Variants in DYNC1I2 observed in about 807,000 individuals in gnomAD.
DYNC1I2 encodes cytoplasmic dynein 1 intermediate chain 2.
DYNC1I2 carries 53 observed loss-of-function variants against 88.6 expected under a neutral mutation model. The observed-to-expected ratio is 0.60, with a 90% CI of 0.48 to 0.75. The LOEUF (loss-of-function observed/expected upper bound fraction) is 0.75. Ranked by LOEUF, DYNC1I2 falls within the 30% of genes least tolerant of loss-of-function variation. The pLI is 0.00. For synonymous variants in DYNC1I2, 198 were observed against 254.6 expected (o/e 0.78, Z 2.12); for missense variants, 458 against 766.6 (o/e 0.60, Z 4.75).
chr2:171,744,387 C>T (rs1247670751), intron 16 of DYNC1I2, among the ~76,000 whole-genome samples, 198 bp downstream of exon 16: 1 of 152,140 alleles, frequency 6.6e-6, no homozygotes, highest in African/African-American at 2.4e-5. Flanking sequence ...AATAATGTTG[C>T]CAGGAGCACT....
intron 7 of DYNC1I2, among the ~76,000 whole-genome samples, chr2:171,715,714 T>C (rs575425073): frequency 1.3e-5 from 2 of 152,300 alleles, no homozygotes; most frequent in South Asian, 4.1e-4. Context: ...TCAGCCCTTA[T>C]TTTGTCATTA....
rs369694626 is a variant in DYNC1I2 at position 171,742,878 on chromosome 2, G to C, written c.1537-1171G>C. Among the ~76,000 whole-genome samples, 72 of 152,264 alleles carry C rather than the reference G, an allele frequency of 4.7e-4. 1 individual carries two copies. The highest frequency in any genetic ancestry group is 1.7e-3 in the African/African-American group (71 of 41,564). Reference sequence around the variant, plus strand: ...TTCTGTGAGACTTTGTCTTGGAAAGGAACTTTGATTTGTTAATTTTGAGAG... The same window carrying C: ...TTCTGTGAGACTTTGTCTTGGAAAGCAACTTTGATTTGTTAATTTTGAGAG... On this transcript the variant is annotated intron_variant, in intron 15 of 17. Coordinates refer to ENST00000397119, the MANE Select transcript of DYNC1I2 (RefSeq NM_001378.3).
At chr2:171,698,045 A>G (rs1559365748) in intron 3 of DYNC1I2, among the ~76,000 whole-genome samples, 2 of 152,234 alleles carry the variant, frequency 1.3e-5, no homozygotes, top group Admixed American at 6.5e-5. Context: ...TCTCTCCATC[A>G]TAATTAGCCC....
Position 171,749,698 on chromosome 2 carries a change from A to G in DYNC1I2, c.*1809A>G, listed in dbSNP as rs1543168. Among the ~76,000 whole-genome samples, 124,164 of 152,104 alleles carry G rather than the reference A, an allele frequency of 0.82. 51,814 individuals are homozygous for G. The highest frequency in any genetic ancestry group is 0.91 in the Middle Eastern group (268 of 294). On this transcript the variant is annotated 3_prime_UTR_variant, in exon 18 of 18. Coordinates refer to ENST00000397119, the MANE Select transcript of DYNC1I2 (RefSeq NM_001378.3). ...AAAGAAAGAATAAAATTGTTTAAAT[A>G]TTTCACTTTTTGGGAATGACTTCTC... is the stretch of plus-strand genomic sequence containing the variant.
intron 10 of DYNC1I2, 33 bp from the exon 11 acceptor site, chr2:171,726,758 A>T: frequency 6.2e-7 from 1 of 1,608,664 alleles, no homozygotes; most frequent in Non-Finnish European, 8.5e-7. Context: ...TATTATGCAT[A>T]GCATTTCTTT....
At chr2:171,724,234 A>G (rs1688089927) in intron 7 of DYNC1I2, among the ~76,000 whole-genome samples, 1 of 152,178 alleles carries the variant, frequency 6.6e-6, no homozygotes, top group South Asian at 2.1e-4. Context: ...CCACAGGTAC[A>G]GTTATATTTT....
chr2:171,687,929 C>G (rs1186815745), intron 1 of DYNC1I2: 1 of 152,298 alleles, frequency 6.6e-6, no homozygotes, highest in Non-Finnish European at 1.5e-5. Context: ...CGTCGCAACT[C>G]GAAGGGCGGC....
At chr2:171,692,199 A>C (rs1685448720) in intron 2 of DYNC1I2, among the ~76,000 whole-genome samples, 1 of 152,210 alleles carries the variant, frequency 6.6e-6, no homozygotes, top group African/African-American at 2.4e-5. Context: ...AAAACGATAA[A>C]TAGCCGAGAT....
At chr2:171,719,237 TGA>T (rs943615823) in intron 7 of DYNC1I2, among the ~76,000 whole-genome samples, 2 of 152,170 alleles carry the variant, frequency 1.3e-5, no homozygotes, top group African/African-American at 4.8e-5. Flanking sequence ...TTTATAAAAA[TGA>T]GATATTTGGG....
At chr2:171,723,798 C>T (rs1688056453) in intron 7 of DYNC1I2, among the ~76,000 whole-genome samples, 3 of 152,208 alleles carry the variant, frequency 2.0e-5, no homozygotes, top group Admixed American at 6.5e-5. Context: ...ACCGCCTCCT[C>T]AGCAGGGTCA....
chr2:171,711,190 A>T (rs1687102644), intron 5 of DYNC1I2, among the ~76,000 whole-genome samples: 1 of 151,832 alleles, frequency 6.6e-6, no homozygotes, highest in Non-Finnish European at 1.5e-5. Context: ...TTTAGTAGAG[A>T]TGGGGTTTCA....
intron 3 of DYNC1I2, among the ~76,000 whole-genome samples, chr2:171,702,452 TGA>T (rs1230553801): frequency 6.6e-6 from 1 of 152,214 alleles, no homozygotes; most frequent in African/African-American, 2.4e-5. Flanking sequence ...AGGATACGGA[TGA>T]AGGCCATGGC....
chr2:171,738,286 C>T (rs1385219165), intron 15 of DYNC1I2, among the ~76,000 whole-genome samples: 4 of 151,718 alleles, frequency 2.6e-5, no homozygotes, highest in African/African-American at 4.8e-5. Flanking sequence ...GAGCTGAGAT[C>T]GCACCATTGC....
intron 15 of DYNC1I2, among the ~76,000 whole-genome samples, chr2:171,740,621 C>G (rs1689359009): frequency 6.6e-6 from 1 of 152,074 alleles, no homozygotes. Flanking sequence ...AGCTGTCTTT[C>G]ATTTTAGGAG....
chr2:171,709,941 T>C (rs988182057), intron 5 of DYNC1I2, among the ~76,000 whole-genome samples: 4 of 152,232 alleles, frequency 2.6e-5, no homozygotes, highest in African/African-American at 9.6e-5. Context: ...GGTCTCGAAC[T>C]CCTGACCTCA....
At chr2:171,694,458 G>A (rs1176482262) in intron 3 of DYNC1I2, among the ~76,000 whole-genome samples, 1 of 152,052 alleles carries the variant, frequency 6.6e-6, no homozygotes, top group Non-Finnish European at 1.5e-5. Flanking sequence ...GGGAGTTCAA[G>A]ACTAGCCTGA....
At chr2:171,703,233 T>G (rs1481986522) in intron 3 of DYNC1I2, among the ~76,000 whole-genome samples, 2 of 152,158 alleles carry the variant, frequency 1.3e-5, no homozygotes, top group African/African-American at 2.4e-5. Context: ...TAAATCGTAT[T>G]GTTTAATTTA....
intron 15 of DYNC1I2, among the ~76,000 whole-genome samples, chr2:171,739,925 C>T (rs1020590686): frequency 1.3e-5 from 2 of 152,024 alleles, no homozygotes; most frequent in African/African-American, 4.8e-5. Context: ...AGGCTGGTCT[C>T]AAACTCCTGG....
Position 171,729,870 on chromosome 2 carries a change from T to C in DYNC1I2, c.1536+17T>C. On this transcript the variant is annotated intron_variant, in intron 15 of 17. Transcript: ENST00000397119. ...ACAACTAAGGTATCTAAAATATAGA[T>C]GTCTGCTATTTGCTCAGGTTTCTGA... The C allele has an allele frequency of 1.2e-6, 2 of 1,613,010 alleles. No individual in the cohort carries two copies. The highest frequency in any genetic ancestry group is 1.7e-6 in the Non-Finnish European group (2 of 1,179,300).
Sources: allele counts gnomAD v4.1 joint callset (sites outside exome capture counted in the v4.1 genomes callset), GRCh38; gene constraint gnomAD v4.1.1; transcripts MANE v1.5; gene names NCBI Gene and HGNC (gene_info 2026-07-23, HGNC 2026-07-21).